Variants in OSBPL8 observed in about 807,000 individuals in gnomAD.
The protein encoded by OSBPL8 is oxysterol binding protein like 8, also known as oxysterol-binding protein-related protein 8.
In OSBPL8, 59 loss-of-function variants were observed where a neutral mutation model predicts 125.5. The ratio of observed to expected loss-of-function variants is 0.47; its 90% CI spans 0.38 to 0.58. OSBPL8 has a LOEUF of 0.58. Ranked by LOEUF, OSBPL8 falls within the 20% of genes least tolerant of loss-of-function variation. OSBPL8 has a pLI of 0.00. For synonymous variants in OSBPL8, 330 were observed against 338.9 expected, an observed-to-expected ratio of 0.97 and a Z score of 0.29; for missense variants, 758 against 1,047.8, an observed-to-expected ratio of 0.72 and a Z score of 3.82.
chr12:76,406,324 T>C (rs951972028), intron 5 of OSBPL8, among the ~76,000 whole-genome samples: 1 of 152,174 alleles, frequency 6.6e-6, no homozygotes, highest in Non-Finnish European at 1.5e-5. Context: ...ACTATCCAGG[T>C]AAATGTATAT....
intron 1 of OSBPL8, among the ~76,000 whole-genome samples, chr12:76,524,424 T>C (rs1025767661): frequency 1.3e-5 from 2 of 152,300 alleles, no homozygotes; most frequent in East Asian, 3.9e-4. Flanking sequence ...ATAAGAGTAG[T>C]AAGAGCAATT....
At chr12:76,441,942 T>C (rs1872234052) in intron 4 of OSBPL8, among the ~76,000 whole-genome samples, 2 of 151,898 alleles carry the variant, frequency 1.3e-5, no homozygotes, top group Admixed American at 1.3e-4. Context: ...AACAGTATAA[T>C]TGATTGTCTG....
intron 6 of OSBPL8, among the ~76,000 whole-genome samples, 177 bp downstream of exon 6, chr12:76,402,512 T>G (rs530696817): frequency 6.6e-6 from 1 of 152,184 alleles, no homozygotes; most frequent in Admixed American, 6.6e-5. Context: ...ATCTTATCAG[T>G]TGACCACAGT....
chr12:76,400,811 G>T (rs1455862681), intron 6 of OSBPL8, among the ~76,000 whole-genome samples: 8 of 136,264 alleles, frequency 5.9e-5, no homozygotes, highest in African/African-American at 2.0e-4. Context: ...TTTTTTTTGA[G>T]ACAGTCTCAT....
intron 5 of OSBPL8, among the ~76,000 whole-genome samples, chr12:76,406,328 T>C (rs1308320114): frequency 6.6e-6 from 1 of 152,164 alleles, no homozygotes; most frequent in African/African-American, 2.4e-5. Flanking sequence ...TCCAGGTAAA[T>C]GTATATTTTA....
In OSBPL8 at chr12:76,390,555, A is replaced by G; in HGVS notation, c.1032T>C (p.Asn344=). 1 of 1,613,634 alleles carries G rather than the reference A, an allele frequency of 6.2e-7. No individual in the cohort carries two copies. Among genetic ancestry groups the G allele is most frequent in the Middle Eastern group, 1.7e-4 (1 of 6,058 alleles). The change falls in exon 11 of 24, where the codon AAT becomes AAC. Residue 344 remains asparagine, a synonymous_variant. Coordinates refer to ENST00000261183, the MANE Select transcript of OSBPL8 (RefSeq NM_020841.5). ...ENDQEHDESD[N]EVMGKSEESD... Reference sequence around the variant, plus strand: ...TTTCTTCACTTTTCCCCATCACCTCATTATCAGACTCATCATGTTCTTGAT... The same window carrying G: ...TTTCTTCACTTTTCCCCATCACCTCGTTATCAGACTCATCATGTTCTTGAT...
chr12:76,504,255 A>C (rs992930255), intron 1 of OSBPL8, among the ~76,000 whole-genome samples: 7 of 152,052 alleles, frequency 4.6e-5, no homozygotes, highest in Admixed American at 6.6e-5. Flanking sequence ...GTGTGTCCCC[A>C]CATACTGTTG....
At chr12:76,408,257 C>T (rs1016330976) in intron 5 of OSBPL8, among the ~76,000 whole-genome samples, 1 of 150,542 alleles carries the variant, frequency 6.6e-6, no homozygotes, top group Non-Finnish European at 1.5e-5. Flanking sequence ...GTCAGGAGAT[C>T]GAGACCATCC....
In OSBPL8 at chr12:76,521,171, T is replaced by C. The variant is rs536120458; in HGVS notation, c.-67-33553A>G. 2.0e-5 allele frequency among the ~76,000 whole-genome samples: 3 copies of C among 152,324 alleles called. No homozygotes were observed. In the East Asian group the frequency reaches 5.8e-4, roughly 29 times the overall value. On this transcript the variant is annotated intron_variant, in intron 1 of 23. Coordinates refer to ENST00000261183, the MANE Select transcript of OSBPL8 (RefSeq NM_020841.5). ...TAGTGTGAATAATAATACTCTCAAC[T>C]GTTCAAAACACATACCTTGGGTTTC...
intron 1 of OSBPL8, among the ~76,000 whole-genome samples, chr12:76,526,608 A>T (rs1950180115): frequency 6.7e-6 from 1 of 150,212 alleles, no homozygotes; most frequent in Non-Finnish European, 1.5e-5. Flanking sequence ...GAGATACACA[A>T]ATGTTATACT....
chr12:76,509,435 T>C (rs2137172419), intron 1 of OSBPL8, among the ~76,000 whole-genome samples: 1 of 152,248 alleles, frequency 6.6e-6, no homozygotes, highest in South Asian at 2.1e-4. Flanking sequence ...TGTGACAATT[T>C]CCAAATATCA....
intron 1 of OSBPL8, among the ~76,000 whole-genome samples, chr12:76,550,190 T>C (rs987998063): frequency 1.3e-5 from 2 of 152,194 alleles, no homozygotes; most frequent in African/African-American, 4.8e-5. Context: ...GAAGTCCTAT[T>C]CAAAAACTTT....
chr12:76,358,805 C>T lies in OSBPL8; in HGVS notation c.2335G>A (p.Val779Ile), dbSNP rs367592972. 1.0e-4 allele frequency: 162 copies of T among 1,613,010 alleles called. No homozygotes were observed. The highest frequency in any genetic ancestry group is 3.3e-4 in the Middle Eastern group (2 of 6,076). ...GTTGGCTTATGTTTCATTTTGGGGA[C>T]GCTAACCTAAAGAAAAAAATAACTA... ...KVKHRTPMVSVPKMKHKPTRQ... is the reference protein window; with the variant it reads ...KVKHRTPMVSIPKMKHKPTRQ... Residue 779 changes from valine to isoleucine, a missense_variant, in exon 22 of 24, where the codon GTC becomes ATC. Val to Ile is a conservative substitution (Grantham distance 29, BLOSUM62 3). This residue lies in a region of OSBPL8 where 572 missense variants were observed against 762.0 expected (regional missense o/e 0.75). Transcript: ENST00000261183.
intron 1 of OSBPL8, among the ~76,000 whole-genome samples, chr12:76,521,338 G>A (rs1882045364): frequency 6.6e-6 from 1 of 152,178 alleles, no homozygotes; most frequent in South Asian, 2.1e-4. Flanking sequence ...CGGAACTTGT[G>A]TGCCCTGCAG....
chr12:76,380,811 T>C lies in OSBPL8; in HGVS notation c.1631-2261A>G, dbSNP rs558607972. 2.0e-5 allele frequency among the ~76,000 whole-genome samples: 3 copies of C among 152,316 alleles called. No homozygotes were observed. In the South Asian group the frequency reaches 6.2e-4, roughly 32 times the overall value. On this transcript the variant is annotated intron_variant, in intron 15 of 23. Coordinates refer to ENST00000261183, the MANE Select transcript of OSBPL8 (RefSeq NM_020841.5). ...ATAGAAGTAATGAGAGTAAACATCC[T>C]TGCCTTGTTCTTGATCTTAGGTAGA...
At chr12:76,546,382 T>C (rs968487108) in intron 1 of OSBPL8, among the ~76,000 whole-genome samples, 2 of 152,156 alleles carry the variant, frequency 1.3e-5, no homozygotes, top group African/African-American at 2.4e-5. Flanking sequence ...GGGTATTTTT[T>C]TAAATTCCTA....
intron 1 of OSBPL8, among the ~76,000 whole-genome samples, chr12:76,536,745 A>G (rs1950509788): frequency 6.6e-6 from 1 of 151,850 alleles, no homozygotes; most frequent in Non-Finnish European, 1.5e-5. Flanking sequence ...CGGAGGCGGA[A>G]AGGAGCAAGT....
intron 1 of OSBPL8, among the ~76,000 whole-genome samples, chr12:76,489,848 CA>C (rs1244311711): frequency 3.9e-5 from 6 of 152,160 alleles, no homozygotes; most frequent in Middle Eastern, 3.2e-3. Flanking sequence ...TGGATCTGGG[CA>C]AAGTTTGAAA....
chr12:76,421,316 C>T (rs1025167336), intron 4 of OSBPL8, among the ~76,000 whole-genome samples: 1 of 151,980 alleles, frequency 6.6e-6, no homozygotes, highest in African/African-American at 2.4e-5. Context: ...CCATTTAAAA[C>T]ATAAGAAAGA....
Sources: allele counts gnomAD v4.1 joint callset (sites outside exome capture counted in the v4.1 genomes callset), GRCh38; gene constraint gnomAD v4.1.1; regional missense constraint gnomAD v4.1.1; transcripts MANE v1.5; gene names NCBI Gene and HGNC (gene_info 2026-07-23, HGNC 2026-07-21).